The following GABBR2 variants were observed in gnomAD, a reference collection of about 807,000 sequenced individuals.
GABBR2 encodes the protein gamma-aminobutyric acid type B receptor subunit 2.
In GABBR2, 23 loss-of-function variants were observed where a neutral mutation model predicts 105.6. The observed-to-expected ratio is 0.22, with a 90% CI of 0.16 to 0.31. The LOEUF (loss-of-function observed/expected upper bound fraction) is 0.31. GABBR2 is among the 10% of genes least tolerant of loss of function. The pLI, the probability that GABBR2 is intolerant of heterozygous loss-of-function variation, is 1.00. For synonymous variants in GABBR2, 478 were observed against 499.7 expected (o/e 0.96, Z 0.58); for missense variants, 734 against 1,245.5 (o/e 0.59, Z 6.18).
At chr9:98,491,304 C>T (rs1030048829) in intron 4 of GABBR2, among the ~76,000 whole-genome samples, 1 of 152,178 alleles carries the variant, frequency 6.6e-6, no homozygotes, top group Admixed American at 6.5e-5. Flanking sequence ...TTTGCTCAAC[C>T]TTTTACCTTC....
At chr9:98,326,756 T>C (rs1830931747) in intron 13 of GABBR2, among the ~76,000 whole-genome samples, 1 of 152,264 alleles carries the variant, frequency 6.6e-6, no homozygotes, top group South Asian at 2.1e-4. Context: ...ACCTGGCCAA[T>C]ACAGAAGGGC....
At chr9:98,663,770 C>A (rs547588577) in intron 1 of GABBR2, among the ~76,000 whole-genome samples, 1 of 152,164 alleles carries the variant, frequency 6.6e-6, no homozygotes, top group Non-Finnish European at 1.5e-5. Flanking sequence ...GAGGAAAGAC[C>A]CTGTAACATC....
At chr9:98,377,067 G>A (rs1333090338) in intron 11 of GABBR2, among the ~76,000 whole-genome samples, 2 of 152,264 alleles carry the variant, frequency 1.3e-5, no homozygotes, top group Non-Finnish European at 2.9e-5. Flanking sequence ...AGTGCAGAAA[G>A]TGCACAACTG....
chr9:98,385,973 G>C (rs1832065090), intron 10 of GABBR2, among the ~76,000 whole-genome samples: 2 of 152,158 alleles, frequency 1.3e-5, no homozygotes, highest in Non-Finnish European at 2.9e-5. Flanking sequence ...CCAACACCCA[G>C]GTGCTCACTC....
intron 1 of GABBR2, among the ~76,000 whole-genome samples, chr9:98,618,799 TCCAGAAGAGACA>T (rs1365608305): frequency 0.011 from 26 of 2,336 alleles, no homozygotes; most frequent in African/African-American, 0.031. Context: ...ACAGAAAGAC[TCCAGAAGAGACA>T]GGCCCAGAGG....
At chr9:98,488,715 G>A (rs759459155) in intron 4 of GABBR2, among the ~76,000 whole-genome samples, 2 of 152,040 alleles carry the variant, frequency 1.3e-5, no homozygotes, top group Admixed American at 6.6e-5. Context: ...AGAAGAAATG[G>A]GGGGAGACAG....
intron 2 of GABBR2, among the ~76,000 whole-genome samples, chr9:98,570,574 C>T (rs1163442805): frequency 1.3e-5 from 2 of 152,218 alleles, no homozygotes; most frequent in South Asian, 2.1e-4. Flanking sequence ...CCATCTTCCC[C>T]ACCCAGCTCC....
intron 11 of GABBR2, among the ~76,000 whole-genome samples, chr9:98,379,114 A>T (rs1831926831): frequency 6.6e-6 from 1 of 152,104 alleles, no homozygotes; most frequent in South Asian, 2.1e-4. Context: ...TTCAGCACTC[A>T]AGGTGGCAGA....
Position 98,289,662 on chromosome 9 carries a change from GC to G in GABBR2, c.*921del, listed in dbSNP as rs1830258244. On this transcript the variant is annotated 3_prime_UTR_variant, in exon 19 of 19. Coordinates refer to ENST00000259455, the MANE Select transcript of GABBR2 (RefSeq NM_005458.8). ...AAAAAAAAAAAAAAAATCCCAGCCAGCCCTTGGGCCCTGATGAGAGAGGTTA... is the reference window on the plus strand; with the variant it reads ...AAAAAAAAAAAAAAAATCCCAGCCAGCCTTGGGCCCTGATGAGAGAGGTTA... 1 of 152,144 alleles carries G rather than the reference GC, an allele frequency of 6.6e-6. No individual in the cohort carries two copies. Among genetic ancestry groups the G allele is most frequent in the South Asian group, 2.1e-4 (1 of 4,798 alleles). 9.4% of individuals were successfully genotyped at this position (152,144 alleles called of 1,614,324 possible). A position where few individuals can be genotyped will look rare whatever the true frequency, so the allele number is the denominator to read the frequency against.
At chr9:98,552,594 G>A (rs1828509078) in intron 2 of GABBR2, among the ~76,000 whole-genome samples, 1 of 152,196 alleles carries the variant, frequency 6.6e-6, no homozygotes, top group South Asian at 2.1e-4. Flanking sequence ...ATGCCGGTGA[G>A]ATTAATGTGA....
chr9:98,576,863 T>C (rs1828915627), intron 2 of GABBR2, among the ~76,000 whole-genome samples: 1 of 152,012 alleles, frequency 6.6e-6, no homozygotes, highest in African/African-American at 2.4e-5. Flanking sequence ...CCAGTGTGCC[T>C]ACCAAAATCC....
chr9:98,496,158 G>A (rs561738702), intron 4 of GABBR2: 11 of 507,348 alleles, frequency 2.2e-5, no homozygotes, highest in East Asian at 6.8e-5. Context: ...CTGAGGCTGC[G>A]TTGAGAGATA....
intron 7 of GABBR2, among the ~76,000 whole-genome samples, chr9:98,414,585 A>G (rs1832653363): frequency 6.6e-6 from 1 of 152,172 alleles, no homozygotes; most frequent in South Asian, 2.1e-4. Context: ...GTATTATATT[A>G]TAAAAGTTAT....
At chr9:98,542,823 G>T (rs1760649516) in intron 2 of GABBR2, among the ~76,000 whole-genome samples, 1 of 152,152 alleles carries the variant, frequency 6.6e-6, no homozygotes, top group African/African-American at 2.4e-5. Context: ...TCGCATTCAT[G>T]GTTATAGATA....
At chr9:98,379,263 GC>G (rs896642539) in intron 11 of GABBR2, among the ~76,000 whole-genome samples, 13 of 152,228 alleles carry the variant, frequency 8.5e-5, no homozygotes, top group African/African-American at 2.4e-4. Context: ...GGTTTTCCCA[GC>G]CTCTTCTTTT....
intron 3 of GABBR2, among the ~76,000 whole-genome samples, chr9:98,526,776 T>C (rs1378759580): frequency 1.3e-5 from 2 of 152,152 alleles, no homozygotes; most frequent in Non-Finnish European, 2.9e-5. Context: ...ATGACTATAA[T>C]TTGTCACACT....
intron 6 of GABBR2, among the ~76,000 whole-genome samples, chr9:98,458,342 C>G (rs75347956): frequency 0.012 from 1,787 of 152,318 alleles, 30 homozygotes; most frequent in African/African-American, 0.041. Context: ...TGGAAGTACA[C>G]GAGAGAATAT....
chr9:98,675,677 C>T (rs1395698863), intron 1 of GABBR2, among the ~76,000 whole-genome samples: 1 of 152,184 alleles, frequency 6.6e-6, no homozygotes, highest in Non-Finnish European at 1.5e-5. Flanking sequence ...GTGTGGACAG[C>T]TAATCTGCAC....
Position 98,306,426 on chromosome 9 carries a change from G to A in GABBR2, c.2005-81C>T. 1 of 883,072 alleles carries A rather than the reference G, an allele frequency of 1.1e-6. No homozygotes were observed. The highest frequency in any genetic ancestry group is 1.5e-5 in the South Asian group (1 of 66,686). 54.7% of individuals were successfully genotyped at this position (883,072 alleles called of 1,614,324 possible). On this transcript the variant is annotated intron_variant, in intron 14 of 18. Transcript: ENST00000259455. This position sits in a 1 kb window ranked among gnomAD's most constrained non-coding sequence, Gnocchi z 5.4. The stretch of plus-strand genomic sequence containing the variant: ...AGGCTGCTCTGAGAAGCTGTGGAGT[G>A]GAGGGTTACTCAGGAGGTGGGCTGC...
Sources: allele counts gnomAD v4.1 joint callset (sites outside exome capture counted in the v4.1 genomes callset), GRCh38; gene constraint gnomAD v4.1.1; non-coding constraint Gnocchi (gnomAD v3.1); transcripts MANE v1.5; gene names NCBI Gene and HGNC (gene_info 2026-07-23, HGNC 2026-07-21).